Variants in DCP1A observed in about 807,000 individuals in gnomAD.
DCP1A encodes the protein mRNA-decapping enzyme 1A.
DCP1A carries 20 observed loss-of-function variants against 58.0 expected under a neutral mutation model. The observed-to-expected ratio is 0.34, with a 90% CI of 0.24 to 0.50. DCP1A has a LOEUF of 0.50. DCP1A is among the 20% of genes least tolerant of loss of function. The pLI, the probability that DCP1A is intolerant of heterozygous loss-of-function variation, is 0.98. For missense variants in DCP1A, 613 were observed against 712.2 expected, an observed-to-expected ratio of 0.86 and a Z score of 1.59; for synonymous variants, 285 against 275.1, an observed-to-expected ratio of 1.04 and a Z score of -0.36.
chr3:53,308,973 A>C (rs1553688378), intron 5 of DCP1A, among the ~76,000 whole-genome samples: 1 of 152,130 alleles, frequency 6.6e-6, no homozygotes, highest in Non-Finnish European at 1.5e-5. Flanking sequence ...CCAAACAAAC[A>C]ACCATCCGCA....
intron 6 of DCP1A, among the ~76,000 whole-genome samples, chr3:53,298,823 T>C (rs1423257637): frequency 6.6e-6 from 1 of 152,258 alleles, no homozygotes; most frequent in Non-Finnish European, 1.5e-5. Context: ...AATGATGGAC[T>C]GCATATACAA....
intron 3 of DCP1A, among the ~76,000 whole-genome samples, chr3:53,325,894 G>T (rs1263493654): frequency 6.6e-6 from 1 of 152,216 alleles, no homozygotes; most frequent in African/African-American, 2.4e-5. Context: ...TTGTATATCC[G>T]CAAGAAACTC....
intron 3 of DCP1A, among the ~76,000 whole-genome samples, chr3:53,333,337 G>A (rs1219249828): frequency 2.0e-5 from 3 of 151,840 alleles, no homozygotes; most frequent in Non-Finnish European, 4.4e-5. Flanking sequence ...GTAGAGACAA[G>A]TTTTCACCAT....
chr3:53,347,345 C>A (rs1437477745), intron 1 of DCP1A, 38 bp downstream of exon 1: 7 of 1,510,260 alleles, frequency 4.6e-6, no homozygotes, highest in Admixed American at 2.2e-5. Flanking sequence ...GAGACGGCAG[C>A]GGCCGGGTGG....
chr3:53,346,776 C>T (rs1454150180), intron 1 of DCP1A, among the ~76,000 whole-genome samples: 5 of 152,102 alleles, frequency 3.3e-5, no homozygotes, highest in African/African-American at 1.2e-4. Context: ...CAAAGGTCTT[C>T]GGGGATCCAG....
chr3:53,327,337 T>C (rs1708139108), intron 3 of DCP1A, among the ~76,000 whole-genome samples: 1 of 152,208 alleles, frequency 6.6e-6, no homozygotes. Flanking sequence ...TTACCTACAA[T>C]TCTGGCTGAC....
At position 53,305,899 on chromosome 3, in the gene DCP1A, A is replaced by G. The variant is rs918568422; in HGVS notation, c.511-1609T>C. 2.6e-5 allele frequency among the ~76,000 whole-genome samples: 4 copies of G among 152,316 alleles called. No homozygotes were observed. The South Asian group carries it at 6.2e-4, about 24-fold the overall frequency. ...AAATGAAAATAATCTTGTTCTTAAA[A>G]AGAATCCTCAAAAAATGATCAGACC... On this transcript the variant is annotated intron_variant, in intron 5 of 9. Transcript: ENST00000610213.
chr3:53,339,934 T>C (rs1400642039), intron 3 of DCP1A, among the ~76,000 whole-genome samples: 2 of 152,202 alleles, frequency 1.3e-5, no homozygotes, highest in African/African-American at 4.8e-5. Context: ...CCTCTTTTCA[T>C]TTTTTGAGTC....
At chr3:53,287,825 T>A (rs925683816) in intron 9 of DCP1A, among the ~76,000 whole-genome samples, 165 bp from the exon 10 acceptor site, 1 of 152,056 alleles carries the variant, frequency 6.6e-6, no homozygotes, top group African/African-American at 2.4e-5. Flanking sequence ...CATGCAGATA[T>A]TTCTCCACCA....
intron 5 of DCP1A, among the ~76,000 whole-genome samples, chr3:53,307,063 C>T (rs1707498898): frequency 6.6e-6 from 1 of 151,390 alleles, no homozygotes; most frequent in East Asian, 2.0e-4. Context: ...CTCAGCCTCC[C>T]TCAACCTCCC....
rs1198199889 is a variant in DCP1A at position 53,329,382 on chromosome 3, G to A, written c.305-9909C>T. Reference sequence around the variant, plus strand: ...ACTATGTATCAAGAGATCGATGCCCGATATAAAGGAAAAGTGATAAGTGAA... The same window carrying A: ...ACTATGTATCAAGAGATCGATGCCCAATATAAAGGAAAAGTGATAAGTGAA... On this transcript the variant is annotated intron_variant, in intron 3 of 9. Transcript: ENST00000610213. The A allele has an allele frequency of 2.3e-5, 9 of 398,366 alleles. No individual in the cohort carries two copies. In the South Asian group the frequency reaches 5.1e-4, roughly 23 times the overall value. The allele number at this position is 398,366 out of a possible 1,614,324, so 24.7% of individuals were successfully genotyped here. A position where few individuals can be genotyped will look rare whatever the true frequency, so the allele number is the denominator to read the frequency against.
chr3:53,314,338 T>C (rs1707735427), intron 4 of DCP1A, among the ~76,000 whole-genome samples: 1 of 152,232 alleles, frequency 6.6e-6, no homozygotes, highest in Non-Finnish European at 1.5e-5. Context: ...TAACATGTAG[T>C]TTTTCTATCT....
chr3:53,339,648 T>C (rs2089170808), intron 3 of DCP1A, among the ~76,000 whole-genome samples: 1 of 152,192 alleles, frequency 6.6e-6, no homozygotes, highest in Non-Finnish European at 1.5e-5. Context: ...CTCTAATTAG[T>C]TAGCTTCTGG....
chr3:53,319,829 A>G (rs1343943575), intron 3 of DCP1A, among the ~76,000 whole-genome samples: 1 of 152,206 alleles, frequency 6.6e-6, no homozygotes, highest in African/African-American at 2.4e-5. Context: ...GATGCATTCT[A>G]AATTGATATT....
chr3:53,332,316 T>C (rs1553691384), intron 3 of DCP1A, among the ~76,000 whole-genome samples: 1 of 152,230 alleles, frequency 6.6e-6, no homozygotes, highest in African/African-American at 2.4e-5. Flanking sequence ...TATGAGTCCA[T>C]TCAAATCTAT....
Position 53,292,077 on chromosome 3 carries a change from G to T in DCP1A, c.1375C>A (p.Pro459Thr). The change falls in exon 7 of 10, where the codon CCC becomes ACC. Residue 459 changes from proline (P) to threonine (T), a missense_variant. This residue lies in a region of DCP1A where 498 missense variants were observed against 556.7 expected (regional missense o/e 0.89). Transcript: ENST00000610213. ...CACCCTCCTGCCATTACCTGAAGGG[G>T]AGCAAGCACCATGTTGCTCAGGGAG... ...SASLSNMVLA[P>T]LQSMQQNQDP... is the part of the protein sequence containing the mutation. 1 of 1,610,000 alleles carries T rather than the reference G, an allele frequency of 6.2e-7. No individual in the cohort carries two copies. Among genetic ancestry groups the T allele is most frequent in the Non-Finnish European group, 8.5e-7 (1 of 1,178,182 alleles).
At position 53,289,189 on chromosome 3, in the gene DCP1A, G is replaced by A. The variant is rs576963351; in HGVS notation, c.1450-906C>T. On this transcript the variant is annotated intron_variant, in intron 8 of 9. Transcript: ENST00000610213. ...TTGCCCAGGATGGTCTTGAACTCCT[G>A]GGCTTAAGTGATCCTCCCACCTAGG... Among the ~76,000 whole-genome samples the A allele has an allele frequency of 6.6e-5, 10 of 151,308 alleles. No homozygotes were observed. In the East Asian group the frequency reaches 1.2e-3, roughly 18 times the overall value.
chr3:53,321,276 T>C lies in DCP1A; in HGVS notation c.305-1803A>G, dbSNP rs571500421. Among the ~76,000 whole-genome samples, 22 of 152,384 alleles carry C rather than the reference T, an allele frequency of 1.4e-4. No individual in the cohort carries two copies. The South Asian group carries it at 4.6e-3, about 32-fold the overall frequency. On this transcript the variant is annotated intron_variant, in intron 3 of 9. Transcript: ENST00000610213. ...GTTGTGTCATTTCCAGGTTTTATAG[T>C]TGCAAGTGGCAGGGAGAGACAAGTC...
chr3:53,302,970 A>G (rs1707358207), intron 6 of DCP1A, among the ~76,000 whole-genome samples: 1 of 147,114 alleles, frequency 6.8e-6, no homozygotes, highest in East Asian at 2.1e-4. Context: ...AATTTTTGAG[A>G]CAGGGCCTTG....
Sources: allele counts gnomAD v4.1 joint callset (sites outside exome capture counted in the v4.1 genomes callset), GRCh38; gene constraint gnomAD v4.1.1; regional missense constraint gnomAD v4.1.1; transcripts MANE v1.5; gene names NCBI Gene and HGNC (gene_info 2026-07-23, HGNC 2026-07-21).